The following RBFOX1 variants were observed in gnomAD, a reference collection of about 807,000 sequenced individuals.
RBFOX1 encodes the protein RNA binding protein fox-1 homolog 1.
Under a neutral mutation model 57.7 loss-of-function variants are expected in RBFOX1, and 8 were observed. The ratio of observed to expected loss-of-function variants is 0.14; its 90% CI spans 0.08 to 0.25. The LOEUF (loss-of-function observed/expected upper bound fraction) is 0.25, where lower values mean the gene tolerates loss of function less well. Among genes scored for constraint, RBFOX1 ranks in the 10% least tolerant of loss-of-function variants. The pLI is 1.00. For synonymous variants in RBFOX1, 326 were observed against 222.4 expected (o/e 1.47, Z -4.15); for missense variants, 611 against 548.5 (o/e 1.11, Z -1.14).
intron 1 of RBFOX1, among the ~76,000 whole-genome samples, chr16:5,422,249 G>A (rs560071486): frequency 6.8e-6 from 1 of 146,088 alleles, no homozygotes; most frequent in East Asian, 2.1e-4. Flanking sequence ...GGAGGAGCAG[G>A]GAGAGGGAGG....
chr16:6,454,757 GA>G (rs1217620617), intron 2 of RBFOX1, among the ~76,000 whole-genome samples: 1 of 151,668 alleles, frequency 6.6e-6, no homozygotes, highest in Non-Finnish European at 1.5e-5. Flanking sequence ...ACTTGAGTGA[GA>G]AGAGGCACAC....
At chr16:7,210,031 G>T (rs954389424) in intron 4 of RBFOX1, among the ~76,000 whole-genome samples, 4 of 152,144 alleles carry the variant, frequency 2.6e-5, no homozygotes, top group Non-Finnish European at 4.4e-5. Flanking sequence ...TGAAAACCAG[G>T]GATAGCGACG....
chr16:5,477,078 A>T (rs1174902636), intron 2 of RBFOX1, among the ~76,000 whole-genome samples: 1 of 152,222 alleles, frequency 6.6e-6, no homozygotes, highest in Non-Finnish European at 1.5e-5. Context: ...TGGTGGTACA[A>T]TGAAGGCTCA....
chr16:5,280,812 G>T (rs1383304431), intron 1 of RBFOX1, among the ~76,000 whole-genome samples: 29 of 150,660 alleles, frequency 1.9e-4, no homozygotes, highest in South Asian at 4.2e-4. Flanking sequence ...ATTTATTTGG[G>T]TCTCCTTTCT....
intron 5 of RBFOX1, among the ~76,000 whole-genome samples, chr16:7,530,606 C>T (rs542492858): frequency 1.3e-5 from 2 of 152,206 alleles, no homozygotes; most frequent in South Asian, 4.2e-4. Context: ...GCGTTCCTGC[C>T]AGCTCCAGTC....
intron 4 of RBFOX1, among the ~76,000 whole-genome samples, chr16:7,248,861 A>G (rs911769859): frequency 2.0e-5 from 3 of 152,164 alleles, no homozygotes; most frequent in African/African-American, 7.2e-5. Flanking sequence ...ATCTGTATGT[A>G]TATCCTACCT....
intron 3 of RBFOX1, among the ~76,000 whole-genome samples, chr16:6,778,182 G>A (rs12932217): frequency 0.46 from 70,470 of 151,882 alleles, 17,374 homozygotes; most frequent in East Asian, 0.56. Context: ...TCACACAATC[G>A]ATTAAAACAA....
chr16:5,631,902 G>C (rs986200949), intron 3 of RBFOX1, among the ~76,000 whole-genome samples: 1 of 152,166 alleles, frequency 6.6e-6, no homozygotes, highest in Non-Finnish European at 1.5e-5. Context: ...TGTTCACTAG[G>C]GTCAGGTGAA....
At chr16:7,364,160 A>C (rs771429909) in intron 4 of RBFOX1, among the ~76,000 whole-genome samples, 1 of 152,176 alleles carries the variant, frequency 6.6e-6, no homozygotes, top group Non-Finnish European at 1.5e-5. Context: ...AGGAGTCTAC[A>C]ACAGCTCAGC....
intron 2 of RBFOX1, among the ~76,000 whole-genome samples, chr16:5,532,876 T>A (rs1340961265): frequency 1.3e-5 from 2 of 152,318 alleles, no homozygotes; most frequent in East Asian, 3.9e-4. Flanking sequence ...TCTCCTTCCC[T>A]TTCTGCCTGG....
chr16:7,374,430 G>C (rs771178731), intron 4 of RBFOX1, among the ~76,000 whole-genome samples: 1 of 152,142 alleles, frequency 6.6e-6, no homozygotes. Context: ...ATTCTGCTCA[G>C]TTGAATAATT....
In RBFOX1 at chr16:5,588,892, T is replaced by G. The variant is rs1332843818; in HGVS notation, c.259-10010T>G. Among the ~76,000 whole-genome samples the G allele has an allele frequency of 2.0e-5, 3 of 152,044 alleles. No homozygotes were observed. The East Asian group carries it at 5.8e-4, about 29-fold the overall frequency. On this transcript the variant is annotated intron_variant, in intron 2 of 2. Coordinates refer to the RBFOX1 transcript ENST00000585867. The stretch of plus-strand genomic sequence containing the variant: ...TATTTTACAGGTTGAGAGGTACAAT[T>G]GGGTGGTTGATTGGATGCACAGGTG...
intron 4 of RBFOX1, among the ~76,000 whole-genome samples, chr16:7,341,776 C>CTCCCTCCTTCCT (rs2096900288): frequency 2.3e-4 from 22 of 95,196 alleles, no homozygotes; most frequent in African/African-American, 4.8e-4. Flanking sequence ...CCCTCCCTCC[C>CTCCCTCCTTCCT]TCCTTCCTTC....
At chr16:7,293,456 T>C (rs915037881) in intron 4 of RBFOX1, among the ~76,000 whole-genome samples, 1 of 152,178 alleles carries the variant, frequency 6.6e-6, no homozygotes, top group Admixed American at 6.5e-5. Flanking sequence ...TCTTCCATTC[T>C]CTCTGCCACC....
chr16:6,825,052 A>G (rs2091942860), intron 3 of RBFOX1, among the ~76,000 whole-genome samples: 1 of 122,322 alleles, frequency 8.2e-6, no homozygotes, highest in African/African-American at 3.2e-5. Context: ...GCTGGAATGC[A>G]GTGGCATGAT....
intron 1 of RBFOX1, among the ~76,000 whole-genome samples, chr16:6,276,586 T>C (rs2075822441): frequency 6.6e-6 from 1 of 152,162 alleles, no homozygotes; most frequent in Admixed American, 6.5e-5. Flanking sequence ...CAAGTGATCC[T>C]TCCACCTTGG....
At chr16:6,763,716 A>G (rs139262557) in intron 3 of RBFOX1, among the ~76,000 whole-genome samples, 1,824 of 152,306 alleles carry the variant, frequency 0.012, 121 homozygotes, top group Admixed American at 0.11. Flanking sequence ...TGCCCCTTTT[A>G]GCCTGATAGC....
chr16:6,267,977 G>A (rs960533719), intron 1 of RBFOX1, among the ~76,000 whole-genome samples: 2 of 152,172 alleles, frequency 1.3e-5, no homozygotes, highest in African/African-American at 2.4e-5. Context: ...TAACCCCTGT[G>A]TCTTGAAACA....
chr16:5,422,845 G>A (rs1390889301), intron 1 of RBFOX1, among the ~76,000 whole-genome samples: 1 of 134,070 alleles, frequency 7.5e-6, no homozygotes, highest in Non-Finnish European at 1.6e-5. Flanking sequence ...GGAGCAGAGA[G>A]AAGGAGGAGA....
Sources: gnomAD v4.1 joint callset for allele counts (sites outside exome capture counted in the v4.1 genomes callset) on GRCh38, gnomAD v4.1.1 for gene constraint, MANE v1.5 for transcripts, NCBI Gene and HGNC (gene_info 2026-07-23, HGNC 2026-07-21) for gene names.